The following ADAMTSL1 variants were observed in gnomAD, a reference collection of about 807,000 sequenced individuals.
The protein encoded by ADAMTSL1 is ADAMTS like 1.
In ADAMTSL1, 126 loss-of-function variants were observed where a neutral mutation model predicts 201.8. The observed-to-expected ratio is 0.62, with a 90% CI of 0.54 to 0.72. The LOEUF is 0.72. ADAMTSL1 is among the 30% of genes least tolerant of loss of function. The pLI is 0.00. For synonymous variants in ADAMTSL1, 1,121 were observed against 903.4 expected, an observed-to-expected ratio of 1.24 and a Z score of -4.32; for missense variants, 2,679 against 2,277.8, an observed-to-expected ratio of 1.18 and a Z score of -3.59.
intron 2 of ADAMTSL1, among the ~76,000 whole-genome samples, chr9:18,273,706 A>T (rs1832475545): frequency 6.6e-6 from 1 of 152,200 alleles, no homozygotes; most frequent in East Asian, 1.9e-4. Flanking sequence ...CCAAATTCAG[A>T]TTCATTTCAC....
chr9:18,050,939 G>C (rs1364536601), intron 1 of ADAMTSL1, among the ~76,000 whole-genome samples: 1 of 152,170 alleles, frequency 6.6e-6, no homozygotes, highest in Non-Finnish European at 1.5e-5. Context: ...TATACACCCT[G>C]CTACTTTACA....
Position 18,623,301 on chromosome 9 carries a change from G to A in ADAMTSL1, c.601+932G>A, listed in dbSNP as rs563629653. 6.5e-4 allele frequency among the ~76,000 whole-genome samples: 99 copies of A among 151,516 alleles called. 1 individual carries two copies. Among genetic ancestry groups the A allele is most frequent in the African/African-American group, 2.3e-3 (94 of 41,244 alleles). ...TACTTGCTGAGAATTTCACACAATC[G>A]TCCCATGTAATTGTTATAACAACCT... On this transcript the variant is annotated intron_variant, in intron 5 of 28. Coordinates refer to ENST00000380548, the MANE Select transcript of ADAMTSL1 (RefSeq NM_001040272.6).
At position 18,774,165 on chromosome 9, in the gene ADAMTSL1, C is replaced by CCCTG. The variant is rs1820849371; in HGVS notation, c.2398-1574_2398-1571dup. 4.6e-5 allele frequency among the ~76,000 whole-genome samples: 7 copies of CCCTG among 152,282 alleles called. No homozygotes were observed. The South Asian group carries it at 1.5e-3, about 32-fold the overall frequency. On this transcript the variant is annotated intron_variant, in intron 17 of 28. Transcript: ENST00000380548. Reference sequence around the variant, plus strand: ...GAGATGACAGCCTCCTTCCCCGATGCCCTGCCTCCCATCCATCTCCTGCTT... The same window carrying CCCTG: ...GAGATGACAGCCTCCTTCCCCGATGCCCTGCCTGCCTCCCATCCATCTCCTGCTT...
intron 2 of ADAMTSL1, among the ~76,000 whole-genome samples, chr9:18,243,136 C>G (rs1169196844): frequency 6.6e-6 from 1 of 152,078 alleles, no homozygotes. Flanking sequence ...AAAACAGACA[C>G]ATAGACCAGT....
intron 2 of ADAMTSL1, among the ~76,000 whole-genome samples, chr9:18,311,212 G>C (rs927767638): frequency 6.6e-6 from 1 of 151,970 alleles, no homozygotes; most frequent in South Asian, 2.1e-4. Flanking sequence ...CAGGGGGTGG[G>C]GGGCTAGGGT....
intron 3 of ADAMTSL1, among the ~76,000 whole-genome samples, chr9:18,560,940 T>TA (rs60568983): frequency 0.016 from 2,257 of 145,498 alleles, 53 homozygotes; most frequent in African/African-American, 0.047. Flanking sequence ...CGTTAATCTT[T>TA]AAAAAAAAAA....
intron 1 of ADAMTSL1, among the ~76,000 whole-genome samples, chr9:18,133,351 C>T (rs1003506326): frequency 1.3e-5 from 2 of 152,134 alleles, no homozygotes; most frequent in Admixed American, 1.3e-4. Context: ...CAGCTCTAGA[C>T]AGTGATCCCT....
chr9:18,828,461 G>A lies in ADAMTSL1; in HGVS notation c.4115-1382G>A, dbSNP rs77669138. Among the ~76,000 whole-genome samples the A allele has an allele frequency of 8.4e-3, 1,277 of 151,416 alleles. 18 individuals carry two copies. The highest frequency in any genetic ancestry group is 0.029 in the African/African-American group (1,205 of 41,276). On this transcript the variant is annotated intron_variant, in intron 22 of 28. Coordinates refer to ENST00000380548, the MANE Select transcript of ADAMTSL1 (RefSeq NM_001040272.6). The stretch of plus-strand genomic sequence containing the variant: ...TGCTTTGAGTAAACTGCCACCATCA[G>A]TTCCTAAAATCATGGTATTCCAGAG...
intron 4 of ADAMTSL1, among the ~76,000 whole-genome samples, chr9:18,580,634 G>A (rs1249961643): frequency 6.6e-6 from 1 of 152,146 alleles, no homozygotes; most frequent in African/African-American, 2.4e-5. Flanking sequence ...ACAATCTGCT[G>A]TATGTTGATT....
chr9:18,620,015 AT>A (rs35177614), intron 4 of ADAMTSL1, among the ~76,000 whole-genome samples: 9,872 of 101,230 alleles, frequency 0.098, 388 homozygotes, highest in African/African-American at 0.23. Flanking sequence ...CAGTTTTCTG[AT>A]TTTTTTTTTT....
chr9:18,758,801 G>A (rs1819909524), intron 16 of ADAMTSL1, among the ~76,000 whole-genome samples: 1 of 152,070 alleles, frequency 6.6e-6, no homozygotes, highest in South Asian at 2.1e-4. Context: ...ATATCTTCGG[G>A]GGCCATTGTT....
intron 23 of ADAMTSL1, among the ~76,000 whole-genome samples, chr9:18,849,019 C>A (rs1826309537): frequency 6.6e-6 from 1 of 152,224 alleles, no homozygotes; most frequent in Admixed American, 6.5e-5. Flanking sequence ...TATGGTCAAA[C>A]CACATAACCT....
chr9:18,846,657 T>C (rs1195888365), intron 23 of ADAMTSL1, among the ~76,000 whole-genome samples: 1 of 152,080 alleles, frequency 6.6e-6, no homozygotes, highest in Non-Finnish European at 1.5e-5. Context: ...TAGAGGATGG[T>C]TTTTTAGGGG....
intron 2 of ADAMTSL1, among the ~76,000 whole-genome samples, chr9:18,510,049 A>G (rs1817939469): frequency 6.6e-6 from 1 of 152,230 alleles, no homozygotes; most frequent in South Asian, 2.1e-4. Flanking sequence ...AGTAGCATTC[A>G]TATTGAGTCC....
rs1404860829 is a variant in ADAMTSL1 at position 18,454,962 on chromosome 9, C to T, written c.208-49867C>T. 6.6e-5 allele frequency among the ~76,000 whole-genome samples: 10 copies of T among 152,238 alleles called. No homozygotes were observed. The East Asian group carries it at 1.9e-3, about 29-fold the overall frequency. On this transcript the variant is annotated intron_variant, in intron 2 of 29. Coordinates refer to the ADAMTSL1 transcript ENST00000680146. ...AAACAAAATAGAATTTAATGTTTCA[C>T]CTGTTTCACAAATACTGCAATTCTT...
intron 2 of ADAMTSL1, among the ~76,000 whole-genome samples, chr9:18,253,450 T>C (rs939575848): frequency 1.5e-4 from 23 of 152,190 alleles, no homozygotes; most frequent in African/African-American, 5.5e-4. Context: ...TCAAAGATAG[T>C]GTAAAAAACT....
intron 2 of ADAMTSL1, among the ~76,000 whole-genome samples, chr9:18,512,455 T>A (rs73421035): frequency 1.8e-4 from 27 of 152,242 alleles, no homozygotes; most frequent in African/African-American, 6.0e-4. Flanking sequence ...AAAAAAATCC[T>A]TATGTGATTT....
intron 7 of ADAMTSL1, among the ~76,000 whole-genome samples, chr9:18,646,586 C>A (rs9695326): frequency 7.1e-6 from 1 of 140,950 alleles, no homozygotes; most frequent in Middle Eastern, 3.4e-3. Flanking sequence ...TTTATTGAGA[C>A]TTTTTAGCAT....
chr9:18,463,071 C>T (rs1179422190), intron 2 of ADAMTSL1, among the ~76,000 whole-genome samples: 1 of 152,090 alleles, frequency 6.6e-6, no homozygotes, highest in Non-Finnish European at 1.5e-5. Flanking sequence ...GCTAAAATAA[C>T]CAAATCCAAT....
Sources: gnomAD v4.1 joint callset for allele counts (sites outside exome capture counted in the v4.1 genomes callset) on GRCh38, gnomAD v4.1.1 for gene constraint, MANE v1.5 for transcripts, NCBI Gene and HGNC (gene_info 2026-07-23, HGNC 2026-07-21) for gene names.